Variants in FOXO1 observed in about 807,000 individuals in gnomAD.
The protein encoded by FOXO1 is forkhead box O1.
Under a neutral mutation model 44.1 loss-of-function variants are expected in FOXO1, and 6 were observed. The observed-to-expected ratio is 0.14, with a 90% CI of 0.07 to 0.27. The LOEUF (loss-of-function observed/expected upper bound fraction) is 0.27, where lower values mean the gene tolerates loss of function less well. Ranked by LOEUF, FOXO1 falls within the 10% of genes least tolerant of loss-of-function variation. The probability of loss-of-function intolerance (pLI) is 1.00; values close to 1 mark genes in which losing one functional copy is unlikely to be tolerated. For missense variants in FOXO1, 737 were observed against 888.8 expected (o/e 0.83, Z 2.17); for synonymous variants, 380 against 362.7 (o/e 1.05, Z -0.54).
chr13:40,570,217 AG>A (rs1874431825), intron 1 of FOXO1, among the ~76,000 whole-genome samples: 1 of 151,772 alleles, frequency 6.6e-6, no homozygotes, highest in Admixed American at 6.6e-5. Flanking sequence ...GGCTGAGGCA[AG>A]AAAATTGCTT....
chr13:40,593,861 T>C (rs547659863), intron 1 of FOXO1, among the ~76,000 whole-genome samples: 2 of 152,174 alleles, frequency 1.3e-5, no homozygotes, highest in South Asian at 2.1e-4. Context: ...CTGAGATAAT[T>C]TGCATTTAGT....
intron 1 of FOXO1, among the ~76,000 whole-genome samples, chr13:40,653,654 G>T (rs966436609): frequency 6.6e-6 from 1 of 152,082 alleles, no homozygotes; most frequent in African/African-American, 2.4e-5. Flanking sequence ...TTAATCATGC[G>T]CATTGGCTTT....
chr13:40,565,241 C>T (rs1455530810), intron 1 of FOXO1, among the ~76,000 whole-genome samples: 1 of 152,040 alleles, frequency 6.6e-6, no homozygotes, highest in Non-Finnish European at 1.5e-5. Flanking sequence ...GAAGGAGTAG[C>T]GAAAGACATG....
At chr13:40,616,957 A>G (rs540600620) in intron 1 of FOXO1, among the ~76,000 whole-genome samples, 1 of 152,340 alleles carries the variant, frequency 6.6e-6, no homozygotes, top group East Asian at 1.9e-4. Context: ...CTCATGCTTT[A>G]GAATCTTTAT....
chr13:40,578,361 T>C (rs965328557), intron 1 of FOXO1, among the ~76,000 whole-genome samples: 5 of 152,186 alleles, frequency 3.3e-5, no homozygotes, highest in Non-Finnish European at 7.4e-5. Flanking sequence ...TGAGAACTTT[T>C]GTGCATTCTG....
chr13:40,611,599 C>T (rs1200731615), intron 1 of FOXO1, among the ~76,000 whole-genome samples: 2 of 152,198 alleles, frequency 1.3e-5, no homozygotes, highest in South Asian at 2.1e-4. Context: ...TGCCCATTCC[C>T]TCCTCACCTG....
chr13:40,598,307 G>A (rs987249595), intron 1 of FOXO1, among the ~76,000 whole-genome samples: 1 of 152,062 alleles, frequency 6.6e-6, no homozygotes, highest in Non-Finnish European at 1.5e-5. Flanking sequence ...GTAGTTTTTA[G>A]TTCAGTTTTT....
intron 1 of FOXO1, among the ~76,000 whole-genome samples, chr13:40,663,588 TAAGTC>T (rs1878117484): frequency 6.6e-6 from 1 of 152,190 alleles, no homozygotes; most frequent in South Asian, 2.1e-4. Context: ...GATGAGCAAG[TAAGTC>T]AAGTACTTAA....
At chr13:40,561,943 C>CA (rs60373589) in intron 1 of FOXO1, among the ~76,000 whole-genome samples, 21,824 of 67,000 alleles carry the variant, frequency 0.33, 2,405 homozygotes, top group South Asian at 0.4. Context: ...ACTCTGTCGC[C>CA]AAAAAAAAAA....
At chr13:40,664,656 C>T (rs959212890) in intron 1 of FOXO1, among the ~76,000 whole-genome samples, 1 of 152,206 alleles carries the variant, frequency 6.6e-6, no homozygotes, top group Non-Finnish European at 1.5e-5. Flanking sequence ...CCCCTCAGGG[C>T]AGCCTCTGTG....
intron 1 of FOXO1, among the ~76,000 whole-genome samples, chr13:40,662,082 A>C (rs566676899): frequency 5.3e-4 from 80 of 150,728 alleles, no homozygotes; most frequent in Admixed American, 1.3e-3. Flanking sequence ...GAGGCAGAAG[A>C]ATTGCTTGAA....
intron 1 of FOXO1, among the ~76,000 whole-genome samples, chr13:40,604,887 C>T (rs1471613171): frequency 6.6e-6 from 1 of 152,140 alleles, no homozygotes; most frequent in Non-Finnish European, 1.5e-5. Flanking sequence ...CTATTAGACA[C>T]AAACCCTTTC....
Position 40,558,750 on chromosome 13 carries a change from C to T in FOXO1, c.*299G>A. On this transcript the variant is annotated 3_prime_UTR_variant, in exon 3 of 3. Coordinates refer to ENST00000379561, the MANE Select transcript of FOXO1 (RefSeq NM_002015.4). ...TGAAAGCACACCAGGATCTGAAAAT[C>T]TTTTCTGCAATTATATGGTGTAGTG... 1 of 398,694 alleles carries T rather than the reference C, an allele frequency of 2.5e-6. No individual in the cohort carries two copies. The highest frequency in any genetic ancestry group is 3.6e-5 in the East Asian group (1 of 28,058). The allele number at this position is 398,694 out of a possible 1,614,324, so 24.7% of individuals were successfully genotyped here. A position where few individuals can be genotyped will look rare whatever the true frequency, so the allele number is the denominator to read the frequency against.
intron 1 of FOXO1, among the ~76,000 whole-genome samples, chr13:40,628,178 T>TA (rs1166858514): frequency 1.3e-5 from 2 of 152,026 alleles, no homozygotes; most frequent in East Asian, 1.9e-4. Context: ...AATTTCAAAA[T>TA]AAAAAATTTT....
At position 40,660,083 on chromosome 13, in the gene FOXO1, G is replaced by A. The variant is rs1877988922; in HGVS notation, c.630+5500C>T. ...CTTTTTCAAGTACATGTGGTCTTCT[G>A]TTTCACAGCTGAGGAACACCACCAG... On this transcript the variant is annotated intron_variant, in intron 1 of 2. Coordinates refer to ENST00000379561, the MANE Select transcript of FOXO1 (RefSeq NM_002015.4). Among the ~76,000 whole-genome samples, 3 of 152,270 alleles carry A rather than the reference G, an allele frequency of 2.0e-5. No homozygotes were observed. In the South Asian group the frequency reaches 6.2e-4, roughly 32 times the overall value.
At chr13:40,655,508 TA>T (rs1301636651) in intron 1 of FOXO1, among the ~76,000 whole-genome samples, 1 of 152,122 alleles carries the variant, frequency 6.6e-6, no homozygotes, top group Non-Finnish European at 1.5e-5. Flanking sequence ...AGACATTTAA[TA>T]AAACCTCACG....
intron 1 of FOXO1, among the ~76,000 whole-genome samples, chr13:40,568,485 AAAC>A (rs1313310255): frequency 1.1e-4 from 16 of 152,224 alleles, no homozygotes; most frequent in African/African-American, 3.6e-4. Flanking sequence ...GTTACTAATA[AAAC>A]AACAACTTTT....
In FOXO1 at chr13:40,559,816, T is replaced by C; in HGVS notation, c.1675A>G (p.Lys559Glu). The C allele has an allele frequency of 6.2e-7, 1 of 1,614,044 alleles. No individual in the cohort carries two copies. The highest frequency in any genetic ancestry group is 8.5e-7 in the Non-Finnish European group (1 of 1,179,986). Residue 559 changes from lysine (K) to glutamate (E), a missense_variant, in exon 2 of 3, where the codon AAG becomes GAG. By Grantham distance (56) the Lys-to-Glu change is moderately conservative. Transcript: ENST00000379561. ...TSGMNRLTQVKTPVQVPLPHP... is the reference protein window; with the variant it reads ...TSGMNRLTQVETPVQVPLPHP... ...GGCAGAGGCACTTGTACAGGTGTCTTCACTTGGGTCAGGCGGTTCATACCC... is the reference window on the plus strand; with the variant it reads ...GGCAGAGGCACTTGTACAGGTGTCTCCACTTGGGTCAGGCGGTTCATACCC...
intron 1 of FOXO1, among the ~76,000 whole-genome samples, chr13:40,568,416 T>C (rs1874353355): frequency 6.6e-6 from 1 of 152,208 alleles, no homozygotes; most frequent in African/African-American, 2.4e-5. Flanking sequence ...CTTCCTGCAC[T>C]TCCACAAGTG....
Sources: gnomAD v4.1 joint callset for allele counts (sites outside exome capture counted in the v4.1 genomes callset) on GRCh38, gnomAD v4.1.1 for gene constraint, MANE v1.5 for transcripts, NCBI Gene and HGNC (gene_info 2026-07-23, HGNC 2026-07-21) for gene names.